Variants in WASHC3 observed in about 807,000 individuals in gnomAD.
The protein encoded by WASHC3 is WASH complex subunit 3.
WASHC3 carries 24 observed loss-of-function variants against 26.1 expected under a neutral mutation model. The observed-to-expected ratio is 0.92, with a 90% CI of 0.66 to 1.29. The LOEUF is 1.29. Among genes scored for constraint, WASHC3 ranks in the 50% most tolerant of loss-of-function variants. WASHC3 has a pLI of 0.00. For missense variants in WASHC3, 214 were observed against 229.6 expected, an observed-to-expected ratio of 0.93 and a Z score of 0.44; for synonymous variants, 77 against 75.7, an observed-to-expected ratio of 1.02 and a Z score of -0.09.
intron 2 of WASHC3, among the ~76,000 whole-genome samples, chr12:102,056,757 A>G (rs1384503481): frequency 6.6e-6 from 1 of 152,198 alleles, no homozygotes; most frequent in Non-Finnish European, 1.5e-5. Context: ...ATAAGTAGAG[A>G]GATCAAATCA....
At chr12:102,044,084 C>T (rs370467761) in intron 4 of WASHC3, 21 bp downstream of exon 4, 32 of 1,327,792 alleles carry the variant, frequency 2.4e-5, no homozygotes, top group African/African-American at 1.8e-4. Context: ...AACATCTGCT[C>T]GTTTCTTAGA....
intron 6 of WASHC3, among the ~76,000 whole-genome samples, chr12:102,019,798 T>C (rs1876871621): frequency 6.6e-6 from 1 of 152,208 alleles, no homozygotes; most frequent in Non-Finnish European, 1.5e-5. Context: ...TCAAAGAAGT[T>C]ACTAGGTTGA....
chr12:102,025,508 T>G (rs1877138370), intron 6 of WASHC3, among the ~76,000 whole-genome samples: 1 of 152,022 alleles, frequency 6.6e-6, no homozygotes, highest in Non-Finnish European at 1.5e-5. Flanking sequence ...AGCTTTAGCC[T>G]ATTTATTTCT....
chr12:102,021,239 T>G (rs1405805311), intron 6 of WASHC3, among the ~76,000 whole-genome samples: 2 of 152,224 alleles, frequency 1.3e-5, no homozygotes, highest in Non-Finnish European at 2.9e-5. Context: ...ATCAATTTGG[T>G]CTTTTCTCTT....
At chr12:102,057,072 T>C (rs1347524306) in intron 2 of WASHC3, among the ~76,000 whole-genome samples, 1 of 152,066 alleles carries the variant, frequency 6.6e-6, no homozygotes, top group Non-Finnish European at 1.5e-5. Flanking sequence ...TTCACCAGGA[T>C]CAAGTCAGAT....
chr12:102,053,122 C>A (rs1878458728), intron 2 of WASHC3, among the ~76,000 whole-genome samples: 1 of 151,730 alleles, frequency 6.6e-6, no homozygotes, highest in South Asian at 2.1e-4. Context: ...ACAACCAGGA[C>A]CCAGGCCCAC....
At chr12:102,013,782 T>G (rs1299390950) in intron 6 of WASHC3, among the ~76,000 whole-genome samples, 1 of 152,164 alleles carries the variant, frequency 6.6e-6, no homozygotes, top group Non-Finnish European at 1.5e-5. Context: ...AAAGTATGAG[T>G]TGGCAAAAAT....
At chr12:102,016,793 G>C (rs776828411) in intron 6 of WASHC3, among the ~76,000 whole-genome samples, 20 of 152,092 alleles carry the variant, frequency 1.3e-4, no homozygotes, top group Non-Finnish European at 5.9e-5. Context: ...TATAAAGAAA[G>C]AAAATATTTT....
intron 5 of WASHC3, among the ~76,000 whole-genome samples, chr12:102,030,800 T>C (rs1432363413): frequency 6.6e-6 from 1 of 152,192 alleles, no homozygotes; most frequent in African/African-American, 2.4e-5. Flanking sequence ...GACAACCATA[T>C]AACTATTTAG....
intron 6 of WASHC3, among the ~76,000 whole-genome samples, chr12:102,019,856 C>T (rs181181119): frequency 6.6e-5 from 10 of 152,178 alleles, no homozygotes; most frequent in African/African-American, 1.4e-4. Flanking sequence ...GCAGGAAGGA[C>T]GAAGTATATA....
chr12:102,014,697 T>A (rs1015167641), intron 6 of WASHC3, among the ~76,000 whole-genome samples: 1 of 152,178 alleles, frequency 6.6e-6, no homozygotes, highest in African/African-American at 2.4e-5. Flanking sequence ...CAGTGAAACT[T>A]TAAAGCTGGG....
intron 2 of WASHC3, among the ~76,000 whole-genome samples, chr12:102,055,664 TAAG>T (rs1208088627): frequency 3.3e-5 from 5 of 152,186 alleles, no homozygotes. Context: ...TTCAAGTAGA[TAAG>T]AAGTATCTGA....
intron 6 of WASHC3, 24 bp downstream of exon 6, chr12:102,025,950 C>T (rs1877165684): frequency 5.3e-6 from 6 of 1,123,224 alleles, no homozygotes; most frequent in Non-Finnish European, 7.8e-6. Context: ...GCAATAATAT[C>T]ATTATATTAG....
At chr12:102,030,924 C>G (rs1055823539) in intron 5 of WASHC3, among the ~76,000 whole-genome samples, 6 of 152,130 alleles carry the variant, frequency 3.9e-5, no homozygotes, top group Non-Finnish European at 7.4e-5. Flanking sequence ...TTACTGCCCT[C>G]TAACAAACAT....
chr12:102,031,504 G>A (rs944312187), intron 5 of WASHC3, among the ~76,000 whole-genome samples: 1 of 152,048 alleles, frequency 6.6e-6, no homozygotes, highest in Non-Finnish European at 1.5e-5. Context: ...TTCATGGGAA[G>A]AATAAAATAT....
intron 6 of WASHC3, among the ~76,000 whole-genome samples, chr12:102,024,299 A>G (rs949547938): frequency 3.9e-5 from 6 of 152,192 alleles, no homozygotes; most frequent in African/African-American, 1.4e-4. Context: ...ATGAAGTATG[A>G]AGAGATCCAC....
chr12:102,061,448 T>G, intron 1 of WASHC3, 102 bp from the exon 2 acceptor site: 1 of 758,432 alleles, frequency 1.3e-6, no homozygotes, highest in Non-Finnish European at 2.3e-6. Context: ...CTGTGTGATA[T>G]GAATTTCTTG....
intron 5 of WASHC3, among the ~76,000 whole-genome samples, chr12:102,034,773 T>TA (rs1243563540): frequency 8.5e-6 from 1 of 117,824 alleles, no homozygotes; most frequent in Admixed American, 9.0e-5. Context: ...TCCAATAGCC[T>TA]AAAAAAAAGT....
intron 2 of WASHC3, among the ~76,000 whole-genome samples, chr12:102,060,363 T>C (rs1441332030): frequency 6.6e-6 from 1 of 152,204 alleles, no homozygotes; most frequent in Non-Finnish European, 1.5e-5. Context: ...CAGTCTTGTC[T>C]CAAATTCCCG....
Sources: allele counts gnomAD v4.1 joint callset (sites outside exome capture counted in the v4.1 genomes callset), GRCh38; gene constraint gnomAD v4.1.1; transcripts MANE v1.5; gene names NCBI Gene and HGNC (gene_info 2026-07-23, HGNC 2026-07-21).